The following MMP16 variants were observed in gnomAD, a reference collection of about 807,000 sequenced individuals.
MMP16 encodes the protein matrix metallopeptidase 16, also known as matrix metalloproteinase-16.
A neutral mutation model predicts 67.8 loss-of-function variants in MMP16; 12 were observed. The ratio of observed to expected loss-of-function variants is 0.18; its 90% CI spans 0.11 to 0.29. MMP16 has a LOEUF of 0.29. Ranked by LOEUF, MMP16 falls within the 10% of genes least tolerant of loss-of-function variation. The probability of loss-of-function intolerance (pLI) is 1.00; values close to 1 mark genes in which losing one functional copy is unlikely to be tolerated. For synonymous variants in MMP16, 249 were observed against 255.9 expected, an observed-to-expected ratio of 0.97 and a Z score of 0.26; for missense variants, 475 against 765.7, an observed-to-expected ratio of 0.62 and a Z score of 4.48.
chr8:88,105,638 G>A (rs1423107875), intron 6 of MMP16, among the ~76,000 whole-genome samples: 2 of 151,368 alleles, frequency 1.3e-5, no homozygotes, highest in Non-Finnish European at 3.0e-5. Context: ...CATGGTAGAG[G>A]GGAAAAGTGA....
At chr8:88,210,061 T>C (rs900036305) in intron 1 of MMP16, among the ~76,000 whole-genome samples, 3 of 152,108 alleles carry the variant, frequency 2.0e-5, no homozygotes, top group Non-Finnish European at 4.4e-5. Context: ...GTTGGCAGTC[T>C]ACAGCCTGGA....
At chr8:88,195,805 C>A (rs1809240972) in intron 2 of MMP16, among the ~76,000 whole-genome samples, 1 of 152,020 alleles carries the variant, frequency 6.6e-6, no homozygotes, top group African/African-American at 2.4e-5. Context: ...ATTTATGCAT[C>A]TCTCAAAAGT....
At chr8:88,194,937 C>T (rs905312477) in intron 2 of MMP16, among the ~76,000 whole-genome samples, 1 of 152,092 alleles carries the variant, frequency 6.6e-6, no homozygotes, top group African/African-American at 2.4e-5. Context: ...TATAGTTGAT[C>T]TTTTCTCTAT....
At chr8:88,263,932 C>A (rs968312380) in intron 1 of MMP16, among the ~76,000 whole-genome samples, 1 of 151,080 alleles carries the variant, frequency 6.6e-6, no homozygotes, top group African/African-American at 2.4e-5. Context: ...ACTTTTTGGC[C>A]GCAACCTCCC....
At chr8:88,270,203 C>T (rs766883259) in intron 1 of MMP16, among the ~76,000 whole-genome samples, 2 of 152,102 alleles carry the variant, frequency 1.3e-5, no homozygotes, top group African/African-American at 2.4e-5. Context: ...TATTAAAATG[C>T]AGTAACTCTC....
At chr8:88,303,512 G>A (rs1036202486) in intron 1 of MMP16, among the ~76,000 whole-genome samples, 3 of 152,188 alleles carry the variant, frequency 2.0e-5, no homozygotes, top group Admixed American at 6.5e-5. Flanking sequence ...CTGACTGGGC[G>A]TGCCCTCCCA....
chr8:88,321,180 C>T (rs570210028), intron 1 of MMP16, among the ~76,000 whole-genome samples: 1 of 151,922 alleles, frequency 6.6e-6, no homozygotes, highest in South Asian at 2.1e-4. Context: ...TGGTGAAGAA[C>T]AAAAAAATCC....
Position 88,083,026 on chromosome 8 carries a change from T to A in MMP16, c.1084-8283A>T, listed in dbSNP as rs1378029659. Among the ~76,000 whole-genome samples the A allele has an allele frequency of 2.6e-5, 4 of 152,012 alleles. No homozygotes were observed. In the South Asian group the frequency reaches 8.3e-4, roughly 31 times the overall value. ...ATAAATATTAATCTTCATTCAATAA[T>A]TTTATGGTTAAAAGGATTTCTGGTA... On this transcript the variant is annotated intron_variant, in intron 6 of 9. Coordinates refer to ENST00000286614, the MANE Select transcript of MMP16 (RefSeq NM_005941.5).
Position 88,196,582 on chromosome 8 carries a change from G to A in MMP16, c.281+576C>T, listed in dbSNP as rs575731093. ...CAAAATTATTAAAAAATAAGAACAA[G>A]CCCTGTGATAACAAGAAATTGAAAG... On this transcript the variant is annotated intron_variant, in intron 2 of 9. Coordinates refer to ENST00000286614, the MANE Select transcript of MMP16 (RefSeq NM_005941.5). 9.2e-5 allele frequency among the ~76,000 whole-genome samples: 14 copies of A among 152,188 alleles called. No homozygotes were observed. The South Asian group carries it at 2.9e-3, about 32-fold the overall frequency.
Position 88,286,446 on chromosome 8 carries a change from T to A in MMP16, c.132+40629A>T, listed in dbSNP as rs114258873. Among the ~76,000 whole-genome samples the A allele has an allele frequency of 9.5e-3, 1,452 of 152,236 alleles. 26 individuals are homozygous for A. Among genetic ancestry groups the A allele is most frequent in the African/African-American group, 0.032 (1,339 of 41,554 alleles). On this transcript the variant is annotated intron_variant, in intron 1 of 9. Coordinates refer to ENST00000286614, the MANE Select transcript of MMP16 (RefSeq NM_005941.5). The stretch of plus-strand genomic sequence containing the variant: ...GTATTAAAAATTGTTTTTCTGATCA[T>A]TCTTTACAAATGCCTCAAACTCCAT...
rs1223307300 is a variant in MMP16 at position 88,321,627 on chromosome 8, T to A, written c.132+5448A>T. Reference sequence around the variant, plus strand: ...ACACATTCTGTATTTCCTCATGACATTTATTTCAGAAAAAAAATCTGAACT... The same window carrying A: ...ACACATTCTGTATTTCCTCATGACAATTATTTCAGAAAAAAAATCTGAACT... On this transcript the variant is annotated intron_variant, in intron 1 of 9. Coordinates refer to ENST00000286614, the MANE Select transcript of MMP16 (RefSeq NM_005941.5). 2.6e-5 allele frequency among the ~76,000 whole-genome samples: 4 copies of A among 152,168 alleles called. No individual in the cohort carries two copies. The East Asian group carries it at 7.7e-4, about 29-fold the overall frequency.
chr8:88,223,587 C>T (rs1191717242), intron 1 of MMP16, among the ~76,000 whole-genome samples: 2 of 150,694 alleles, frequency 1.3e-5, no homozygotes, highest in Non-Finnish European at 2.9e-5. Context: ...CAAACTATGG[C>T]AAGGACAGAA....
At chr8:88,046,927 A>AGGT in intron 8 of MMP16, 143 bp from the exon 9 acceptor site, 1 of 479,982 alleles carries the variant, frequency 2.1e-6, no homozygotes, top group Non-Finnish European at 3.6e-6. Flanking sequence ...AATGATTTAC[A>AGGT]GAACTCCAAC....
At chr8:88,287,830 G>C (rs936540436) in intron 1 of MMP16, among the ~76,000 whole-genome samples, 1 of 152,140 alleles carries the variant, frequency 6.6e-6, no homozygotes, top group African/African-American at 2.4e-5. Flanking sequence ...GTAACAAAAA[G>C]GTTGTAAGAC....
intron 1 of MMP16, among the ~76,000 whole-genome samples, chr8:88,286,162 C>T (rs1239131985): frequency 6.6e-6 from 1 of 152,164 alleles, no homozygotes; most frequent in Non-Finnish European, 1.5e-5. Flanking sequence ...CCTTCCTGGC[C>T]CAGTGCACTA....
At chr8:88,132,594 T>C (rs1808050844) in intron 4 of MMP16, among the ~76,000 whole-genome samples, 2 of 151,878 alleles carry the variant, frequency 1.3e-5, no homozygotes, top group South Asian at 2.1e-4. Context: ...GGCTATGACA[T>C]GTCATCTGGC....
intron 4 of MMP16, among the ~76,000 whole-genome samples, chr8:88,137,257 A>G (rs1808135879): frequency 2.6e-5 from 4 of 151,802 alleles, no homozygotes; most frequent in Admixed American, 2.6e-4. Context: ...GTCTGTTTAC[A>G]TTTAGGACTG....
chr8:88,140,956 A>G (rs904349467), intron 4 of MMP16, among the ~76,000 whole-genome samples: 10 of 152,204 alleles, frequency 6.6e-5, no homozygotes, highest in Admixed American at 4.6e-4. Context: ...TATCATTAGG[A>G]TCAAATTTGA....
chr8:88,165,152 G>C (rs1245629302), intron 4 of MMP16, among the ~76,000 whole-genome samples: 1 of 140,094 alleles, frequency 7.1e-6, no homozygotes, highest in African/African-American at 2.7e-5. Flanking sequence ...AGTCCAGCCT[G>C]GGCAAAATAG....
Sources: gnomAD v4.1 joint callset for allele counts (sites outside exome capture counted in the v4.1 genomes callset) on GRCh38, gnomAD v4.1.1 for gene constraint, MANE v1.5 for transcripts, NCBI Gene and HGNC (gene_info 2026-07-23, HGNC 2026-07-21) for gene names.